The following SAMD5 variants were observed in gnomAD, a reference collection of about 807,000 sequenced individuals.
SAMD5 encodes the protein sterile alpha motif domain-containing protein 5.
A neutral mutation model predicts 11.3 loss-of-function variants in SAMD5; 13 were observed. That is an observed-to-expected ratio of 1.15 (90% CI 0.75 to 1.83). The LOEUF (loss-of-function observed/expected upper bound fraction) is 1.83. SAMD5 is among the 40% of genes most tolerant of loss of function. SAMD5 has a pLI of 0.00. For synonymous variants in SAMD5, 129 were observed against 111.3 expected, an observed-to-expected ratio of 1.16 and a Z score of -1.00; for missense variants, 255 against 239.1, an observed-to-expected ratio of 1.07 and a Z score of -0.44.
chr6:147,556,286 G>T (rs1415137570), intron 1 of SAMD5, among the ~76,000 whole-genome samples: 2 of 152,078 alleles, frequency 1.3e-5, no homozygotes, highest in Admixed American at 6.5e-5. Context: ...TAGAGACGGG[G>T]TTTCACCGTG....
At chr6:147,526,024 A>G (rs138334942) in intron 1 of SAMD5, among the ~76,000 whole-genome samples, 1 of 152,146 alleles carries the variant, frequency 6.6e-6, no homozygotes, top group Non-Finnish European at 1.5e-5. Context: ...TTGACACTTC[A>G]TCAGTGTCAC....
chr6:147,808,208 T>C, the SAMD5 span, among the ~76,000 whole-genome samples: 4,624 of 152,280 alleles, frequency 0.03, 98 homozygotes, highest in Middle Eastern at 0.051. Flanking sequence ...CTGCATTTAT[T>C]ATTATTTTTT....
At chr6:147,755,747 T>C in the SAMD5 span, among the ~76,000 whole-genome samples, 4 of 152,064 alleles carry the variant, frequency 2.6e-5, no homozygotes, top group Non-Finnish European at 4.4e-5. Flanking sequence ...GCAGGCTGTA[T>C]ACAGAACATC....
chr6:147,621,226 G>A (rs1017118254), intron 1 of SAMD5, among the ~76,000 whole-genome samples: 4 of 152,146 alleles, frequency 2.6e-5, no homozygotes. Context: ...GAAGACCTTG[G>A]AGAAAGCTTA....
At chr6:147,808,789 G>T in the SAMD5 span, among the ~76,000 whole-genome samples, 15 of 152,130 alleles carry the variant, frequency 9.9e-5, no homozygotes, top group Non-Finnish European at 1.9e-4. Flanking sequence ...TCATCTCGGA[G>T]TATGAAGCAG....
chr6:147,741,446 CAT>C (rs1475306619), downstream of SAMD5: 1 of 152,156 alleles, frequency 6.6e-6, no homozygotes, highest in Non-Finnish European at 1.5e-5. Flanking sequence ...CAGCATGTAA[CAT>C]GTTGGTTTTA....
At chr6:147,821,061 G>A in the SAMD5 span, among the ~76,000 whole-genome samples, 181 of 152,288 alleles carry the variant, frequency 1.2e-3, 1 homozygote, top group African/African-American at 4.2e-3. Context: ...GCAGTGCCAG[G>A]CACACAGTAG....
intron 1 of SAMD5, among the ~76,000 whole-genome samples, chr6:147,623,063 T>G (rs1054199092): frequency 6.6e-6 from 1 of 152,168 alleles, no homozygotes; most frequent in African/African-American, 2.4e-5. Flanking sequence ...CAATTCAAGG[T>G]GAGATTTGGG....
At chr6:147,894,527 G>T in the SAMD5 span, among the ~76,000 whole-genome samples, 14 of 152,268 alleles carry the variant, frequency 9.2e-5, no homozygotes, top group South Asian at 2.9e-3. Context: ...TGATGCTGCT[G>T]TTCAATGATG....
At chr6:147,852,276 A>T in the SAMD5 span, among the ~76,000 whole-genome samples, 1 of 152,136 alleles carries the variant, frequency 6.6e-6, no homozygotes, top group Non-Finnish European at 1.5e-5. Context: ...CTACATATGG[A>T]TACCTCAACT....
downstream of SAMD5, among the ~76,000 whole-genome samples, chr6:147,572,857 A>T (rs181743291): frequency 2.6e-5 from 4 of 151,922 alleles, no homozygotes; most frequent in East Asian, 7.7e-4. Context: ...CCCCTTTTGG[A>T]TATATTTGAT....
chr6:147,678,720 A>C (rs577791048), intron 1 of SAMD5, among the ~76,000 whole-genome samples: 12 of 152,228 alleles, frequency 7.9e-5, no homozygotes, highest in Admixed American at 2.0e-4. Flanking sequence ...ATGGGAGTTC[A>C]TGGAAGAGGG....
At chr6:147,772,144 T>C in the SAMD5 span, among the ~76,000 whole-genome samples, 1 of 152,212 alleles carries the variant, frequency 6.6e-6, no homozygotes, top group Non-Finnish European at 1.5e-5. Flanking sequence ...TGCTACTAAA[T>C]ATTCGCTTGC....
chr6:147,880,056 A>G, the SAMD5 span, among the ~76,000 whole-genome samples: 1 of 152,218 alleles, frequency 6.6e-6, no homozygotes, highest in Admixed American at 6.5e-5. Flanking sequence ...AACATCTGCT[A>G]TGGGTCATGT....
chr6:147,909,433 A>C, the SAMD5 span, among the ~76,000 whole-genome samples: 1 of 152,198 alleles, frequency 6.6e-6, no homozygotes, highest in Non-Finnish European at 1.5e-5. Flanking sequence ...TGTGGGGTAC[A>C]TAAACTGCTA....
chr6:147,622,993 T>C (rs1432050841), intron 1 of SAMD5, among the ~76,000 whole-genome samples: 1 of 152,152 alleles, frequency 6.6e-6, no homozygotes, highest in Admixed American at 6.5e-5. Context: ...GAAACAGCCC[T>C]CATGATTAAA....
chr6:147,563,145 T>TA (rs1274388578), intron 1 of SAMD5, among the ~76,000 whole-genome samples: 2 of 151,294 alleles, frequency 1.3e-5, no homozygotes, highest in East Asian at 3.9e-4. Flanking sequence ...TAGTAATACT[T>TA]ACCATCTATT....
At chr6:147,820,595 G>A in the SAMD5 span, among the ~76,000 whole-genome samples, 13 of 152,280 alleles carry the variant, frequency 8.5e-5, no homozygotes, top group African/African-American at 2.6e-4. Context: ...ACTCTGTAAA[G>A]AAAGTTACAC....
At chr6:147,730,840 G>A (rs1049563000) in intron 1 of SAMD5, among the ~76,000 whole-genome samples, 2 of 152,178 alleles carry the variant, frequency 1.3e-5, no homozygotes, top group African/African-American at 4.8e-5. Flanking sequence ...AGAACTCTGA[G>A]TTGACCATTG....
Sources: allele counts gnomAD v4.1 joint callset (sites outside exome capture counted in the v4.1 genomes callset), GRCh38; gene constraint gnomAD v4.1.1; transcripts MANE v1.5; gene names NCBI Gene and HGNC (gene_info 2026-07-23, HGNC 2026-07-21).